Variants in CDC123 observed in about 807,000 individuals in gnomAD.
CDC123 encodes the protein translation initiation factor eIF2 assembly protein.
A neutral mutation model predicts 54.4 loss-of-function variants in CDC123; 37 were observed. That is an observed-to-expected ratio of 0.68 (90% CI 0.52 to 0.89). CDC123 has a LOEUF of 0.89. CDC123 is among the 40% of genes least tolerant of loss of function. CDC123 has a pLI of 0.00. For missense variants in CDC123, 361 were observed against 412.1 expected, an observed-to-expected ratio of 0.88 and a Z score of 1.07; for synonymous variants, 144 against 136.8, an observed-to-expected ratio of 1.05 and a Z score of -0.37.
chr10:12,232,963 G>A (rs1330720559), intron 7 of CDC123, among the ~76,000 whole-genome samples: 1 of 151,974 alleles, frequency 6.6e-6, no homozygotes, highest in East Asian at 1.9e-4. Flanking sequence ...GTTTCACTGT[G>A]TTAGCCAGGA....
At position 12,246,478 on chromosome 10, in the gene CDC123, A is replaced by G. The variant is rs575212443; in HGVS notation, c.846+201A>G. On this transcript the variant is annotated intron_variant, in intron 11 of 12. Transcript: ENST00000281141. ...CTTAACTTTATATACAGAAGTCAGGATCATCTGATCAGTTTTTTTAGTTCT... is the reference window on the plus strand; with the variant it reads ...CTTAACTTTATATACAGAAGTCAGGGTCATCTGATCAGTTTTTTTAGTTCT... The G allele has an allele frequency of 1.2e-4, 57 of 487,858 alleles. No homozygotes were observed. In the South Asian group the frequency reaches 1.4e-3, roughly 12 times the overall value. The allele number at this position is 487,858 out of a possible 1,614,324, so 30.2% of individuals were successfully genotyped here. A position where few individuals can be genotyped will look rare whatever the true frequency, so the allele number is the denominator to read the frequency against.
At chr10:12,209,926 C>T (rs1835574689) in intron 2 of CDC123, 41 bp from the exon 3 acceptor site, 1 of 1,601,528 alleles carries the variant, frequency 6.2e-7, no homozygotes, top group African/African-American at 1.3e-5. Context: ...ATGCGGTGCC[C>T]AAGTCCTTTT....
chr10:12,198,813 C>T, intron 2 of CDC123, 37 bp downstream of exon 2: 1 of 1,056,548 alleles, frequency 9.5e-7, no homozygotes, highest in Non-Finnish European at 1.4e-6. Context: ...TAAACTTTAT[C>T]ATAAAGAAAC....
intron 2 of CDC123, among the ~76,000 whole-genome samples, chr10:12,206,809 A>G (rs1260660242): frequency 6.6e-6 from 1 of 152,012 alleles, no homozygotes; most frequent in Non-Finnish European, 1.5e-5. Context: ...ATGCAAAAAA[A>G]TTAGCCGGGT....
chr10:12,245,087 G>A (rs1307298350), intron 10 of CDC123: 1 of 152,262 alleles, frequency 6.6e-6, no homozygotes, highest in Non-Finnish European at 1.5e-5. Flanking sequence ...TCCACCCTTG[G>A]CAGCAGCCTT....
intron 7 of CDC123, among the ~76,000 whole-genome samples, chr10:12,231,800 TAACTGCTCATC>T (rs1835905709): frequency 1.3e-5 from 2 of 152,078 alleles, no homozygotes; most frequent in African/African-American, 4.8e-5. Context: ...TAGCTACAAC[TAACTGCTCATC>T]AACTGTCATG....
intron 7 of CDC123, among the ~76,000 whole-genome samples, chr10:12,232,006 C>G (rs562459958): frequency 9.2e-5 from 14 of 152,178 alleles, no homozygotes; most frequent in Non-Finnish European, 1.9e-4. Flanking sequence ...CAACCACCAT[C>G]CAGCTAATTT....
Position 12,249,658 on chromosome 10 carries a change from G to A in CDC123, c.924G>A (p.Lys308=), listed in dbSNP as rs1266927139. The change falls in exon 12 of 13, where the codon AAG becomes AAA. Residue 308 remains lysine (K), a synonymous_variant. Coordinates refer to ENST00000281141, the MANE Select transcript of CDC123 (RefSeq NM_006023.3). ...CCTATTTGAGTTACCGGCTACCCAA[G>A]GACTTTGTAGACCTCTCTACTGGGG... The part of the protein sequence containing the change: ...PSPYLSYRLP[K]DFVDLSTGED... The A allele has an allele frequency of 3.7e-5, 59 of 1,614,054 alleles. No individual in the cohort carries two copies. Among genetic ancestry groups the A allele is most frequent in the Non-Finnish European group, 4.8e-5 (57 of 1,180,016 alleles).
chr10:12,240,060 C>T (rs1836037125), intron 10 of CDC123, among the ~76,000 whole-genome samples: 1 of 150,726 alleles, frequency 6.6e-6, no homozygotes, highest in South Asian at 2.1e-4. Context: ...CTAAAAGTGA[C>T]TCAAAGTTTG....
intron 6 of CDC123, among the ~76,000 whole-genome samples, chr10:12,218,395 A>G (rs1028131535): frequency 3.3e-5 from 5 of 151,452 alleles, no homozygotes; most frequent in Non-Finnish European, 5.9e-5. Context: ...ATGCACCACC[A>G]CACCCGGCTA....
At chr10:12,199,949 G>C (rs1472678694) in intron 2 of CDC123, among the ~76,000 whole-genome samples, 1 of 150,076 alleles carries the variant, frequency 6.7e-6, no homozygotes, top group Non-Finnish European at 1.5e-5. Flanking sequence ...CAGCCTCCAA[G>C]TAGCTGGGAC....
intron 6 of CDC123, among the ~76,000 whole-genome samples, chr10:12,227,863 A>G (rs951559903): frequency 1.6e-4 from 25 of 152,202 alleles, no homozygotes; most frequent in Admixed American, 1.6e-3. Context: ...AGTACTTATC[A>G]ATATGCTGAT....
chr10:12,238,210 C>T (rs1232281350), intron 9 of CDC123, among the ~76,000 whole-genome samples: 1 of 152,028 alleles, frequency 6.6e-6, no homozygotes, highest in East Asian at 1.9e-4. Context: ...ATGATATTGG[C>T]GTTTGGTTTG....
chr10:12,212,274 C>G (rs1024823300), intron 4 of CDC123, among the ~76,000 whole-genome samples: 2 of 152,058 alleles, frequency 1.3e-5, no homozygotes, highest in African/African-American at 4.8e-5. Context: ...CCATTCTCCA[C>G]TAAACAAAAT....
rs559361609 is a variant in CDC123 at position 12,234,310 on chromosome 10, C to T, written c.490-738C>T. Among the ~76,000 whole-genome samples, 54 of 152,278 alleles carry T rather than the reference C, an allele frequency of 3.5e-4. No individual in the cohort carries two copies. The South Asian group carries it at 7.9e-3, about 22-fold the overall frequency. ...GGTTTCACATGTTGGAGCGCAATGGCGCGATCTGGGCTCTCTACAACCTCT... is the reference window on the plus strand; with the variant it reads ...GGTTTCACATGTTGGAGCGCAATGGTGCGATCTGGGCTCTCTACAACCTCT... On this transcript the variant is annotated intron_variant, in intron 7 of 12. Transcript: ENST00000281141.
At chr10:12,246,304 T>C (rs528674244) in intron 11 of CDC123, 27 bp downstream of exon 11, 1 of 1,611,732 alleles carries the variant, frequency 6.2e-7, no homozygotes, top group South Asian at 1.1e-5. Flanking sequence ...ACAGATACAA[T>C]GTAAACCTTT....
chr10:12,228,051 T>C (rs1835850861), intron 6 of CDC123, among the ~76,000 whole-genome samples: 3 of 152,130 alleles, frequency 2.0e-5, no homozygotes, highest in Admixed American at 2.0e-4. Flanking sequence ...TCTTCCCGCC[T>C]CAGCCTTCTG....
chr10:12,217,510 G>T (rs777829830), intron 6 of CDC123, 43 bp downstream of exon 6: 2 of 1,591,280 alleles, frequency 1.3e-6, no homozygotes, highest in Non-Finnish European at 8.6e-7. Flanking sequence ...TTCAGTATTT[G>T]TGCAAATTTC....
intron 8 of CDC123, 123 bp downstream of exon 8, chr10:12,235,246 G>A: frequency 1.3e-6 from 1 of 770,254 alleles, no homozygotes; most frequent in Non-Finnish European, 2.2e-6. Flanking sequence ...CATCTCAGAT[G>A]CCACCTCTAA....
Sources: gnomAD v4.1 joint callset for allele counts (sites outside exome capture counted in the v4.1 genomes callset) on GRCh38, gnomAD v4.1.1 for gene constraint, MANE v1.5 for transcripts, NCBI Gene and HGNC (gene_info 2026-07-23, HGNC 2026-07-21) for gene names.